The following TENM1 variants were observed in gnomAD, a reference collection of about 807,000 sequenced individuals.
TENM1 encodes the protein teneurin-1.
Under a neutral mutation model 174.8 loss-of-function variants are expected in TENM1, and 35 were observed. That is an observed-to-expected ratio of 0.20 (90% CI 0.15 to 0.27). The LOEUF (loss-of-function observed/expected upper bound fraction) is 0.27. Ranked by LOEUF, TENM1 falls within the 10% of genes least tolerant of loss-of-function variation. The probability of loss-of-function intolerance (pLI) is 1.00; values close to 1 mark genes in which losing one functional copy is unlikely to be tolerated. For missense variants in TENM1, 1,633 were observed against 2,130.1 expected (o/e 0.77, Z 4.59); for synonymous variants, 781 against 798.7 (o/e 0.98, Z 0.37).
At chrX:124,976,689 T>A in the TENM1 span, among the ~76,000 whole-genome samples, 1 of 111,657 alleles carries the variant, frequency 9.0e-6, no homozygotes, top group African/African-American at 3.3e-5. Context: ...TATGAAGACA[T>A]GGCTGCTCTG....
chrX:124,638,314 A>C (rs1438104641), intron 11 of TENM1, among the ~76,000 whole-genome samples: 2 of 111,346 alleles, frequency 1.8e-5, no homozygotes, highest in African/African-American at 6.5e-5. Flanking sequence ...AGAAACTCTC[A>C]GTACATTGAA....
chrX:124,969,855 G>A, the TENM1 span, among the ~76,000 whole-genome samples: 1 of 111,681 alleles, frequency 9.0e-6, no homozygotes, highest in Non-Finnish European at 1.9e-5. Flanking sequence ...TAAGGAGATT[G>A]GATTATCTCA....
chrX:124,683,836 C>T (rs928561246), intron 5 of TENM1, among the ~76,000 whole-genome samples: 2 of 111,427 alleles, frequency 1.8e-5, no homozygotes, highest in African/African-American at 3.3e-5. Flanking sequence ...TTCATATCAC[C>T]CCTGAAAAGG....
At chrX:124,794,324 A>C (rs764662680) in intron 3 of TENM1, among the ~76,000 whole-genome samples, 152 of 111,846 alleles carry the variant, frequency 1.4e-3, no homozygotes, top group Non-Finnish European at 2.5e-3. Context: ...CTCATAGACA[A>C]GTATTTAACA....
chrX:124,777,513 C>G, intron 3 of TENM1, among the ~76,000 whole-genome samples: 1 of 111,697 alleles, frequency 9.0e-6, no homozygotes, highest in Middle Eastern at 4.7e-3. Flanking sequence ...TTGGTAAAGT[C>G]ACCACTCATC....
chrX:124,898,272 A>G (rs1302576479), intron 1 of TENM1, among the ~76,000 whole-genome samples: 1 of 111,471 alleles, frequency 9.0e-6, no homozygotes, highest in Non-Finnish European at 1.9e-5. Context: ...CTGTTGGTCC[A>G]GGGATCATAC....
intron 16 of TENM1, among the ~76,000 whole-genome samples, chrX:124,524,741 T>C (rs756081779): frequency 8.2e-5 from 9 of 110,238 alleles, no homozygotes; most frequent in Non-Finnish European, 1.7e-4. Flanking sequence ...GACAAGACTA[T>C]TGCATTGGAG....
intron 25 of TENM1, among the ~76,000 whole-genome samples, chrX:124,417,951 CA>C (rs764222629): frequency 8.9e-6 from 1 of 112,000 alleles, no homozygotes; most frequent in Non-Finnish European, 1.9e-5. Flanking sequence ...AGAATTTTAG[CA>C]CCTCTTACTG....
chrX:124,640,850 A>G (rs1057175782), intron 11 of TENM1, among the ~76,000 whole-genome samples: 2 of 108,167 alleles, frequency 1.8e-5, no homozygotes, highest in Non-Finnish European at 3.8e-5. Context: ...AGTCCCAGCT[A>G]CTCGGGAGGC....
the TENM1 span, among the ~76,000 whole-genome samples, chrX:125,143,266 T>C: frequency 8.9e-6 from 1 of 111,736 alleles, no homozygotes; most frequent in Non-Finnish European, 1.9e-5. Flanking sequence ...AGTTTTCCAA[T>C]ATATTTTTTA....
At chrX:124,905,568 C>A (rs192599545) in intron 1 of TENM1, among the ~76,000 whole-genome samples, 4 of 111,509 alleles carry the variant, frequency 3.6e-5, no homozygotes, top group East Asian at 2.8e-4. Flanking sequence ...TAATGAAGGA[C>A]AACAATCCCT....
At chrX:124,641,605 G>C in intron 11 of TENM1, among the ~76,000 whole-genome samples, 186 bp downstream of exon 14, 1 of 111,299 alleles carries the variant, frequency 9.0e-6, no homozygotes, top group Middle Eastern at 4.2e-3. Flanking sequence ...GGAAAAACAA[G>C]ATGAAAAAAA....
intron 3 of TENM1, among the ~76,000 whole-genome samples, chrX:124,821,047 T>C (rs1420160260): frequency 8.9e-6 from 1 of 112,593 alleles, no homozygotes; most frequent in Non-Finnish European, 1.9e-5. Context: ...AAATATGCTC[T>C]TATTTCCTTC....
At chrX:124,847,681 A>C (rs368444619) in intron 3 of TENM1, among the ~76,000 whole-genome samples, 24 of 111,534 alleles carry the variant, frequency 2.2e-4, no homozygotes, top group African/African-American at 7.2e-4. Context: ...ATCTGTCAGA[A>C]ATTGGATAAA....
chrX:124,525,787 T>G (rs2047961122), intron 16 of TENM1, among the ~76,000 whole-genome samples: 1 of 111,657 alleles, frequency 9.0e-6, no homozygotes, highest in South Asian at 3.8e-4. Context: ...TGCAGTTTTC[T>G]CGTTAGTAAA....
At chrX:124,925,268 A>G (rs910722102) in intron 1 of TENM1, among the ~76,000 whole-genome samples, 6 of 110,838 alleles carry the variant, frequency 5.4e-5, no homozygotes, top group Non-Finnish European at 1.1e-4. Flanking sequence ...ATTCACTTCA[A>G]TATTATGACT....
chrX:124,833,263 T>C (rs947710321), intron 3 of TENM1, among the ~76,000 whole-genome samples: 5 of 111,989 alleles, frequency 4.5e-5, no homozygotes, highest in African/African-American at 1.6e-4. Flanking sequence ...TAGAAGCATT[T>C]CGTGGAAAAT....
At chrX:124,420,405 C>A in exon 25 of TENM1, 1 of 1,212,040 alleles carries the variant, frequency 8.3e-7, no homozygotes, top group East Asian at 3.0e-5. Context: ...TAGCCTTGGG[C>A]TGACACTCTT....
chrX:124,694,125 CCT>C (rs2052594569), intron 5 of TENM1, among the ~76,000 whole-genome samples: 1 of 111,607 alleles, frequency 9.0e-6, no homozygotes, highest in Non-Finnish European at 1.9e-5. Flanking sequence ...GCCCCCATGC[CCT>C]CAGAGGTTGT....
Sources: allele counts gnomAD v4.1 joint callset (sites outside exome capture counted in the v4.1 genomes callset), GRCh38; gene constraint gnomAD v4.1.1; transcripts MANE v1.5; gene names NCBI Gene and HGNC (gene_info 2026-07-23, HGNC 2026-07-21).